ERBB4: variants seen among roughly 807,000 people sequenced by gnomAD.
ERBB4 encodes receptor tyrosine-protein kinase erbB-4.
Under a neutral mutation model 158.0 loss-of-function variants are expected in ERBB4, and 42 were observed. The observed-to-expected ratio is 0.27, with a 90% CI of 0.21 to 0.34. ERBB4 has a LOEUF of 0.34. Among genes scored for constraint, ERBB4 ranks in the 10% least tolerant of loss-of-function variants. ERBB4 has a pLI of 1.00. For synonymous variants in ERBB4, 583 were observed against 558.7 expected (o/e 1.04, Z -0.61); for missense variants, 1,333 against 1,624.1 (o/e 0.82, Z 3.08).
intron 2 of ERBB4, among the ~76,000 whole-genome samples, chr2:212,043,179 T>C (rs1251612923): frequency 6.6e-6 from 1 of 152,186 alleles, no homozygotes; most frequent in East Asian, 1.9e-4. Context: ...AACTAAGTCT[T>C]TACTTAAGTG....
chr2:211,852,702 C>CT (rs11435561), intron 3 of ERBB4, among the ~76,000 whole-genome samples: 118,099 of 145,178 alleles, frequency 0.81, 48,246 homozygotes, highest in Non-Finnish European at 0.86. Context: ...ATACACAAAA[C>CT]TTTTTTTTTT....
intron 19 of ERBB4, among the ~76,000 whole-genome samples, chr2:211,611,265 G>T (rs772119646): frequency 6.6e-6 from 1 of 151,926 alleles, no homozygotes; most frequent in Non-Finnish European, 1.5e-5. Context: ...TAACCAATCG[G>T]GCCCGCCAAC....
intron 1 of ERBB4, among the ~76,000 whole-genome samples, chr2:212,390,676 T>C (rs2090828930): frequency 6.6e-6 from 1 of 151,748 alleles, no homozygotes; most frequent in African/African-American, 2.4e-5. Context: ...TTCAAATGGA[T>C]TTATGAACAC....
chr2:212,514,361 A>G (rs77494796), intron 1 of ERBB4, among the ~76,000 whole-genome samples: 3,333 of 152,350 alleles, frequency 0.022, 123 homozygotes, highest in African/African-American at 0.076. Flanking sequence ...CTTAAAAGTA[A>G]TGATATAAAT....
chr2:211,387,727 A>G (rs1243202625), intron 26 of ERBB4, among the ~76,000 whole-genome samples: 2 of 152,218 alleles, frequency 1.3e-5, no homozygotes, highest in Admixed American at 1.3e-4. Context: ...AATCCTTCAG[A>G]TAAAAATTGA....
chr2:211,947,674 T>C (rs1474170269), intron 2 of ERBB4, 58 bp from the exon 3 acceptor site: 2 of 1,406,404 alleles, frequency 1.4e-6, no homozygotes, highest in African/African-American at 2.8e-5. Context: ...TCTGTATATG[T>C]AGCAATTTAG....
chr2:212,191,247 T>A (rs1373180104), intron 1 of ERBB4, among the ~76,000 whole-genome samples: 1 of 152,244 alleles, frequency 6.6e-6, no homozygotes, highest in East Asian at 1.9e-4. Flanking sequence ...TGCTCAAGAA[T>A]TTGCATTTCT....
intron 2 of ERBB4, among the ~76,000 whole-genome samples, chr2:212,066,390 C>T (rs138111545): frequency 1.3e-5 from 2 of 152,036 alleles, no homozygotes; most frequent in African/African-American, 2.4e-5. Flanking sequence ...CTCAGTCAAA[C>T]TTTTGGACAT....
intron 1 of ERBB4, among the ~76,000 whole-genome samples, chr2:212,163,361 G>T (rs2125653060): frequency 6.7e-6 from 1 of 150,372 alleles, no homozygotes; most frequent in Middle Eastern, 3.5e-3. Flanking sequence ...CATTAATAAG[G>T]GTGAAGGAAC....
intron 1 of ERBB4, among the ~76,000 whole-genome samples, chr2:212,242,209 A>C (rs1157091516): frequency 6.6e-6 from 1 of 151,954 alleles, no homozygotes; most frequent in African/African-American, 2.4e-5. Flanking sequence ...TAAGGAAAAC[A>C]TTCCTCTTGT....
chr2:212,181,540 T>C (rs892292899), intron 1 of ERBB4, among the ~76,000 whole-genome samples: 7 of 151,758 alleles, frequency 4.6e-5, no homozygotes, highest in South Asian at 4.1e-4. Flanking sequence ...CATATACATA[T>C]GTTTATCACA....
intron 19 of ERBB4, among the ~76,000 whole-genome samples, chr2:211,583,497 G>C (rs978094633): frequency 8.0e-6 from 1 of 124,752 alleles, no homozygotes; most frequent in African/African-American, 2.6e-5. Flanking sequence ...TGGAAGTATA[G>C]TAGAATAAAT....
At chr2:211,581,046 C>T (rs2068088516) in intron 19 of ERBB4, among the ~76,000 whole-genome samples, 1 of 150,620 alleles carries the variant, frequency 6.6e-6, no homozygotes, top group Non-Finnish European at 1.5e-5. Context: ...TGTTCTCACT[C>T]ATATGTGGAA....
At chr2:211,400,701 A>T (rs1029495035) in intron 25 of ERBB4, among the ~76,000 whole-genome samples, 8 of 151,916 alleles carry the variant, frequency 5.3e-5, no homozygotes, top group Non-Finnish European at 1.0e-4. Context: ...AGTAAATAAG[A>T]TCTAGTATTT....
chr2:211,538,320 G>A (rs756922617), intron 20 of ERBB4, among the ~76,000 whole-genome samples: 28 of 151,698 alleles, frequency 1.8e-4, no homozygotes, highest in Admixed American at 7.9e-4. Context: ...TGTTATACAC[G>A]AATTTAATAC....
At position 212,538,751 on chromosome 2, in the gene ERBB4, C is replaced by T. The variant is rs1336070588; in HGVS notation, c.-221G>A. 1.0e-5 allele frequency: 4 copies of T among 396,304 alleles called. No homozygotes were observed. Among genetic ancestry groups the T allele is most frequent in the Admixed American group, 9.5e-5 (2 of 21,084 alleles). 24.5% of individuals were successfully genotyped at this position (396,304 alleles called of 1,614,324 possible). A position where few individuals can be genotyped will look rare whatever the true frequency, so the allele number is the denominator to read the frequency against. ...GGGGGCGAGTGTGAGCGCGTGTGTG[C>T]GCGTGTGGGAGTGTGCTCGGTGTGT... On this transcript the variant is annotated 5_prime_UTR_variant, in exon 1 of 28. Transcript: ENST00000342788.
rs549128376 is a variant in ERBB4 at position 211,384,041 on chromosome 2, C to A, written c.3501G>T (p.Glu1167Asp). Residue 1167 changes from glutamate to aspartate, a missense_variant, in exon 28 of 28, where the codon GAG becomes GAT. This residue lies in a region of ERBB4 where 252 missense variants were observed against 241.3 expected (regional missense o/e 1.04). Coordinates refer to ENST00000342788, the MANE Select transcript of ERBB4 (RefSeq NM_005235.3). ...TTCTCCGAGAAACAAAAGGGTTCTC[C>A]TCCACTGGATTCAGGTATTCTAAAG... Reference protein sequence around the residue: ...KPKQEYLNPVEENPFVSRRKN... With the variant: ...KPKQEYLNPVDENPFVSRRKN... The A allele has an allele frequency of 1.2e-6, 2 of 1,612,764 alleles. No homozygotes were observed. Among genetic ancestry groups the A allele is most frequent in the South Asian group, 1.1e-5 (1 of 91,046 alleles).
chr2:212,301,695 G>A (rs1182982110), intron 1 of ERBB4, among the ~76,000 whole-genome samples: 2 of 151,098 alleles, frequency 1.3e-5, no homozygotes, highest in South Asian at 2.1e-4. Context: ...AGGCATTACC[G>A]TTTGCACATA....
At chr2:211,917,724 A>T (rs2079737769) in intron 3 of ERBB4, among the ~76,000 whole-genome samples, 1 of 152,236 alleles carries the variant, frequency 6.6e-6, no homozygotes, top group Non-Finnish European at 1.5e-5. Context: ...CAGGAGCCGT[A>T]ATAAAGAGAG....
Sources: gnomAD v4.1 joint callset for allele counts (sites outside exome capture counted in the v4.1 genomes callset) on GRCh38, gnomAD v4.1.1 for gene constraint, gnomAD v4.1.1 regional missense constraint, MANE v1.5 for transcripts, NCBI Gene and HGNC (gene_info 2026-07-23, HGNC 2026-07-21) for gene names.